The following UGT1A8 variants were observed in gnomAD, a reference collection of about 807,000 sequenced individuals.
UGT1A8 encodes UDP glucuronosyltransferase family 1 member A8, also known as UDP-glucuronosyltransferase 1A8.
In UGT1A8, 39 loss-of-function variants were observed where a neutral mutation model predicts 45.3. That is an observed-to-expected ratio of 0.86 (90% CI 0.67 to 1.12). The LOEUF is 1.12. UGT1A8 is among the 50% of genes most tolerant of loss of function. UGT1A8 has a pLI of 0.00. For synonymous variants in UGT1A8, 275 were observed against 249.2 expected, an observed-to-expected ratio of 1.10 and a Z score of -0.97; for missense variants, 719 against 664.9, an observed-to-expected ratio of 1.08 and a Z score of -0.90.
chr2:233,743,820 C>T (rs753368953), intron 1 of UGT1A8: 5 of 1,367,258 alleles, frequency 3.7e-6, no homozygotes, highest in Non-Finnish European at 4.9e-6. Context: ...GGGTTTTTGT[C>T]GGGGTGCCAC....
chr2:233,692,758 C>G (rs932317185), intron 1 of UGT1A8: 26 of 1,183,656 alleles, frequency 2.2e-5, no homozygotes, highest in Non-Finnish European at 2.8e-5. Context: ...ACTTGTGGAG[C>G]TGAAGAGAAA....
Position 233,693,203 on chromosome 2 carries a change from T to G in UGT1A8, c.856-73831T>G. 6.2e-7 allele frequency: 1 copy of G among 1,614,132 alleles called. No individual in the cohort carries two copies. Among genetic ancestry groups the G allele is most frequent in the African/African-American group, 1.3e-5 (1 of 75,042 alleles). ...GGTGGTGCCTGAAGTTAATTTGCTT[T>G]TGAAAGAATCCAAATACTACACAAG... On this transcript the variant is annotated intron_variant, in intron 1 of 4. Transcript: ENST00000373450.
intron 1 of UGT1A8, among the ~76,000 whole-genome samples, chr2:233,645,949 A>G (rs1235868805): frequency 6.6e-6 from 1 of 152,196 alleles, no homozygotes; most frequent in African/African-American, 2.4e-5. Context: ...GCACTGTTCT[A>G]GCAGAGGTTC....
intron 1 of UGT1A8, among the ~76,000 whole-genome samples, chr2:233,633,672 T>G (rs2073230239): frequency 6.6e-6 from 1 of 152,200 alleles, no homozygotes; most frequent in African/African-American, 2.4e-5. Context: ...TTATCATTTT[T>G]TATTGTGTCT....
At chr2:233,703,770 A>T (rs919739679) in intron 1 of UGT1A8, among the ~76,000 whole-genome samples, 14 of 151,732 alleles carry the variant, frequency 9.2e-5, no homozygotes, top group African/African-American at 3.1e-4. Flanking sequence ...TGCAGACAAG[A>T]TATTATTAGT....
Position 233,761,122 on chromosome 2 carries a change from A to T in UGT1A8, c.856-5912A>T, listed in dbSNP as rs397978903. 136 of 1,614,116 alleles carry T rather than the reference A, an allele frequency of 8.4e-5. No individual in the cohort carries two copies. Among genetic ancestry groups the T allele is most frequent in the Non-Finnish European group, 1.1e-4 (124 of 1,180,046 alleles). On this transcript the variant is annotated intron_variant, in intron 1 of 4. Coordinates refer to ENST00000373450, the MANE Select transcript of UGT1A8 (RefSeq NM_019076.5). The stretch of plus-strand genomic sequence containing the variant: ...CAATATGGTTTTTGTTGGTGGAATC[A>T]ACTGCCTTCACCAAAATCCACTATC...
intron 1 of UGT1A8, among the ~76,000 whole-genome samples, chr2:233,726,525 T>C (rs979255090): frequency 7.9e-5 from 12 of 152,244 alleles, no homozygotes; most frequent in Non-Finnish European, 1.5e-4. Context: ...TTTCCACTTT[T>C]AGGGAGATGC....
intron 1 of UGT1A8, among the ~76,000 whole-genome samples, chr2:233,668,237 G>A (rs183679233): frequency 2.0e-5 from 3 of 152,068 alleles, no homozygotes; most frequent in East Asian, 1.9e-4. Context: ...CCCGGTGTGC[G>A]ATATTCCCCG....
chr2:233,772,177 GTCT>G, intron 4 of UGT1A8, 82 bp from the exon 5 acceptor site: 1 of 1,583,018 alleles, frequency 6.3e-7, no homozygotes. Flanking sequence ...AAATCTGGTA[GTCT>G]TCTTAAGCAG....
chr2:233,689,286 G>A (rs2074935092), intron 1 of UGT1A8, among the ~76,000 whole-genome samples: 1 of 152,072 alleles, frequency 6.6e-6, no homozygotes, highest in African/African-American at 2.4e-5. Flanking sequence ...CTAAACTGGG[G>A]TTCACTCACC....
intron 1 of UGT1A8, among the ~76,000 whole-genome samples, chr2:233,681,646 G>A (rs903157962): frequency 6.6e-6 from 1 of 151,548 alleles, no homozygotes; most frequent in Non-Finnish European, 1.5e-5. Context: ...AAGGCCAAAA[G>A]CATTGCTTAA....
intron 1 of UGT1A8, among the ~76,000 whole-genome samples, chr2:233,655,664 G>A (rs1197320951): frequency 1.3e-5 from 2 of 152,180 alleles, no homozygotes; most frequent in East Asian, 3.9e-4. Flanking sequence ...GGGGGTGGGT[G>A]ATCACTGTCC....
rs887601721 is a variant in UGT1A8 at position 233,701,996 on chromosome 2, G to C, written c.856-65038G>C. On this transcript the variant is annotated intron_variant, in intron 1 of 4. Coordinates refer to ENST00000373450, the MANE Select transcript of UGT1A8 (RefSeq NM_019076.5). ...AAAAGGCAAGAAATAACTAAGATCA[G>C]AGCAGAACTGAAGGAAATAGAGACA... 5.3e-5 allele frequency among the ~76,000 whole-genome samples: 8 copies of C among 152,166 alleles called. No homozygotes were observed. In the South Asian group the frequency reaches 1.0e-3, roughly 20 times the overall value.
At position 233,718,958 on chromosome 2, in the gene UGT1A8, G is replaced by A. The variant is rs201006205; in HGVS notation, c.856-48076G>A. 528 of 1,614,220 alleles carry A rather than the reference G, an allele frequency of 3.3e-4. 5 individuals carry two copies. In the South Asian group the frequency reaches 5.5e-3, roughly 17 times the overall value. On this transcript the variant is annotated intron_variant, in intron 1 of 4. Coordinates refer to ENST00000373450, the MANE Select transcript of UGT1A8 (RefSeq NM_019076.5). ...GCAGCCCCTGGCTCAGCATGCGGGA[G>A]GCCTTGCGGGAGCTCCATGCCAGAG...
At chr2:233,725,318 G>A (rs538456783) in intron 1 of UGT1A8, among the ~76,000 whole-genome samples, 1 of 74,564 alleles carries the variant, frequency 1.3e-5, no homozygotes, top group South Asian at 5.6e-4. Flanking sequence ...AGGCAGAGGC[G>A]CCTGGTCAAC....
At chr2:233,686,987 G>T (rs1322875815) in intron 1 of UGT1A8, among the ~76,000 whole-genome samples, 1 of 152,182 alleles carries the variant, frequency 6.6e-6, no homozygotes, top group Non-Finnish European at 1.5e-5. Context: ...TGTACCCCAA[G>T]TCTTGGTTTC....
At chr2:233,696,995 T>G (rs1443377070) in intron 1 of UGT1A8, among the ~76,000 whole-genome samples, 1 of 152,182 alleles carries the variant, frequency 6.6e-6, no homozygotes, top group Non-Finnish European at 1.5e-5. Flanking sequence ...TTCGTTGAGA[T>G]TTTTGCATCT....
intron 1 of UGT1A8, among the ~76,000 whole-genome samples, chr2:233,731,890 C>A (rs2125767900): frequency 6.6e-6 from 1 of 152,340 alleles, no homozygotes; most frequent in Admixed American, 6.5e-5. Flanking sequence ...AACTAATTTA[C>A]ACTCCCACCA....
chr2:233,629,349 T>C (rs1372636967), intron 1 of UGT1A8, among the ~76,000 whole-genome samples: 1 of 152,114 alleles, frequency 6.6e-6, no homozygotes, highest in Non-Finnish European at 1.5e-5. Context: ...ACCACATTTT[T>C]GCTTGGGTTG....
Sources: allele counts gnomAD v4.1 joint callset (sites outside exome capture counted in the v4.1 genomes callset), GRCh38; gene constraint gnomAD v4.1.1; transcripts MANE v1.5; gene names NCBI Gene and HGNC (gene_info 2026-07-23, HGNC 2026-07-21).